The following SSH2 variants were observed in gnomAD, a reference collection of about 807,000 sequenced individuals.
SSH2 encodes the protein slingshot protein phosphatase 2.
In SSH2, 37 loss-of-function variants were observed where a neutral mutation model predicts 135.2. The ratio of observed to expected loss-of-function variants is 0.27; its 90% CI spans 0.21 to 0.36. The LOEUF (loss-of-function observed/expected upper bound fraction) is 0.36, where lower values mean the gene tolerates loss of function less well. Ranked by LOEUF, SSH2 falls within the 10% of genes least tolerant of loss-of-function variation. SSH2 has a pLI of 1.00. For synonymous variants in SSH2, 628 were observed against 646.2 expected (o/e 0.97, Z 0.43); for missense variants, 1,408 against 1,765.3 (o/e 0.80, Z 3.63).
At chr17:29,709,766 AC>A (rs2039369608) in intron 3 of SSH2, among the ~76,000 whole-genome samples, 1 of 152,174 alleles carries the variant, frequency 6.6e-6, no homozygotes, top group Non-Finnish European at 1.5e-5. Context: ...CACTTCCCCA[AC>A]AAGGCCATAA....
chr17:29,901,333 A>T (rs186100687), intron 1 of SSH2, among the ~76,000 whole-genome samples: 8 of 152,164 alleles, frequency 5.3e-5, no homozygotes, highest in African/African-American at 1.9e-4. Flanking sequence ...TTTACTTAAG[A>T]GTTAGATTAG....
At chr17:29,777,592 T>C (rs534563828) in intron 3 of SSH2, 7 of 152,098 alleles carry the variant, frequency 4.6e-5, no homozygotes, top group African/African-American at 1.2e-4. Flanking sequence ...CTTTAGAAAA[T>C]TGAAATGTCA....
intron 3 of SSH2, among the ~76,000 whole-genome samples, chr17:29,712,802 A>AAAAAC (rs993521473): frequency 5.2e-4 from 79 of 152,192 alleles, no homozygotes; most frequent in Admixed American, 4.6e-3. Flanking sequence ...AGACTGTCTC[A>AAAAAC]AAAACAAAAC....
chr17:29,803,526 G>C (rs2042288648), intron 2 of SSH2, among the ~76,000 whole-genome samples: 1 of 152,132 alleles, frequency 6.6e-6, no homozygotes, highest in African/African-American at 2.4e-5. Context: ...TAAAGGCTAG[G>C]CTCAGAGCTG....
At chr17:29,814,795 G>T (rs891876623) in intron 2 of SSH2, among the ~76,000 whole-genome samples, 10 of 151,840 alleles carry the variant, frequency 6.6e-5, no homozygotes, top group Non-Finnish European at 1.3e-4. Context: ...GAAGAAGCAG[G>T]TTTCTTCTGG....
At chr17:29,657,598 T>A (rs1598736259) in intron 11 of SSH2, among the ~76,000 whole-genome samples, 1 of 147,244 alleles carries the variant, frequency 6.8e-6, no homozygotes, top group Non-Finnish European at 1.5e-5. Flanking sequence ...TTTTTTTTTT[T>A]AGAGACAGAG....
At chr17:29,682,925 GT>G (rs2038044355) in intron 6 of SSH2, among the ~76,000 whole-genome samples, 1 of 152,172 alleles carries the variant, frequency 6.6e-6, no homozygotes, top group Non-Finnish European at 1.5e-5. Context: ...ATTAAATGCT[GT>G]TAAGTGGTAT....
chr17:29,859,819 T>C (rs1466012074), intron 1 of SSH2, among the ~76,000 whole-genome samples: 1 of 152,112 alleles, frequency 6.6e-6, no homozygotes, highest in Non-Finnish European at 1.5e-5. Context: ...AGTAAGGGGA[T>C]TGTTGGGTCG....
chr17:29,719,983 T>G (rs1013944414), intron 3 of SSH2, among the ~76,000 whole-genome samples: 2 of 152,246 alleles, frequency 1.3e-5, no homozygotes, highest in African/African-American at 4.8e-5. Flanking sequence ...GGTCTCGAAC[T>G]CCTGACCTCA....
At chr17:29,920,123 C>T (rs1294334210) in intron 1 of SSH2, among the ~76,000 whole-genome samples, 1 of 152,148 alleles carries the variant, frequency 6.6e-6, no homozygotes, top group African/African-American at 2.4e-5. Context: ...TCAGGCTGGT[C>T]TCGAACTGCC....
chr17:29,706,178 T>A (rs1005264390), intron 3 of SSH2, among the ~76,000 whole-genome samples: 3 of 152,232 alleles, frequency 2.0e-5, no homozygotes, highest in Admixed American at 6.5e-5. Flanking sequence ...TAACTCAATA[T>A]ATGTGGCAGA....
chr17:29,637,678 G>C (rs905108073), intron 14 of SSH2, among the ~76,000 whole-genome samples: 1 of 151,766 alleles, frequency 6.6e-6, no homozygotes, highest in Non-Finnish European at 1.5e-5. Context: ...GCTACTCAGG[G>C]GGCTGAGGTG....
At chr17:29,767,524 T>G (rs750258078) in intron 3 of SSH2, among the ~76,000 whole-genome samples, 19 of 151,990 alleles carry the variant, frequency 1.3e-4, no homozygotes, top group Non-Finnish European at 2.4e-4. Flanking sequence ...TCTCATCATC[T>G]TACTCCCAGA....
intron 2 of SSH2, among the ~76,000 whole-genome samples, chr17:29,806,238 A>T (rs1336519013): frequency 6.6e-6 from 1 of 152,168 alleles, no homozygotes; most frequent in African/African-American, 2.4e-5. Context: ...TCTCATTTGA[A>T]CCACTCCGGA....
At chr17:29,802,163 A>T (rs571633507) in intron 2 of SSH2, among the ~76,000 whole-genome samples, 26 of 152,282 alleles carry the variant, frequency 1.7e-4, no homozygotes, top group Admixed American at 3.3e-4. Context: ...CACCCAGCCC[A>T]TCTGCTCTCA....
chr17:29,710,572 G>C (rs1353783365), intron 3 of SSH2, among the ~76,000 whole-genome samples: 1 of 152,152 alleles, frequency 6.6e-6, no homozygotes, highest in East Asian at 1.9e-4. Flanking sequence ...TTAATTTTCA[G>C]ATTCAAGGTG....
intron 14 of SSH2, among the ~76,000 whole-genome samples, chr17:29,642,736 G>A (rs1454139170): frequency 6.6e-6 from 1 of 152,158 alleles, no homozygotes; most frequent in African/African-American, 2.4e-5. Context: ...ACTGGGAGGT[G>A]CAAAAAGTCC....
chr17:29,706,148 T>C (rs974527436), intron 3 of SSH2, among the ~76,000 whole-genome samples: 1 of 152,236 alleles, frequency 6.6e-6, no homozygotes, highest in African/African-American at 2.4e-5. Context: ...AAGTCTCACA[T>C]GTAAAAGTAA....
At chr17:29,832,019 C>T (rs2042854313) in intron 2 of SSH2, among the ~76,000 whole-genome samples, 1 of 152,170 alleles carries the variant, frequency 6.6e-6, no homozygotes, top group Non-Finnish European at 1.5e-5. Flanking sequence ...ATGGACTATT[C>T]TCTTCTTGTG....
Sources: allele counts gnomAD v4.1 joint callset (sites outside exome capture counted in the v4.1 genomes callset), GRCh38; gene constraint gnomAD v4.1.1; transcripts MANE v1.5; gene names NCBI Gene and HGNC (gene_info 2026-07-23, HGNC 2026-07-21).